FSHR: variants seen among roughly 807,000 people sequenced by gnomAD.
The protein encoded by FSHR is follicle-stimulating hormone receptor.
FSHR carries 46 observed loss-of-function variants against 52.1 expected under a neutral mutation model. The ratio of observed to expected loss-of-function variants is 0.88; its 90% CI spans 0.70 to 1.13. FSHR has a LOEUF of 1.13. Ranked by LOEUF, FSHR falls within the 50% of genes most tolerant of loss-of-function variation. The pLI, the probability that FSHR is intolerant of heterozygous loss-of-function variation, is 0.00. For synonymous variants in FSHR, 399 were observed against 309.6 expected, an observed-to-expected ratio of 1.29 and a Z score of -3.03; for missense variants, 964 against 834.6, an observed-to-expected ratio of 1.16 and a Z score of -1.91.
chr2:49,123,772 G>A (rs191280662), intron 1 of FSHR, among the ~76,000 whole-genome samples: 76 of 152,218 alleles, frequency 5.0e-4, no homozygotes, highest in African/African-American at 1.8e-3. Context: ...TAGAAGCACT[G>A]GGAGAGGACA....
intron 2 of FSHR, among the ~76,000 whole-genome samples, chr2:49,047,791 A>G (rs1474842664): frequency 6.6e-6 from 1 of 152,226 alleles, no homozygotes; most frequent in African/African-American, 2.4e-5. Context: ...TTGACTTAAG[A>G]AACATGAGGT....
At position 49,048,303 on chromosome 2, in the gene FSHR, A is replaced by T. The variant is rs1246358428; in HGVS notation, c.224+19916T>A. Among the ~76,000 whole-genome samples, 36 of 129,656 alleles carry T rather than the reference A, an allele frequency of 2.8e-4. No individual in the cohort carries two copies. In the Admixed American group the frequency reaches 3.2e-3, roughly 12 times the overall value. The allele number at this position is 129,656 out of a possible 152,430, so 85.1% of individuals were successfully genotyped here. ...TAAATAAAAAGTGGTTTTCTTATAG[A>T]AAAAAAACCTGGGGCTCTGAAAAGT... is the stretch of plus-strand genomic sequence containing the variant. On this transcript the variant is annotated intron_variant, in intron 2 of 9. Transcript: ENST00000406846.
At chr2:49,089,168 A>T (rs1432591164) in intron 1 of FSHR, among the ~76,000 whole-genome samples, 1 of 151,152 alleles carries the variant, frequency 6.6e-6, no homozygotes, top group Non-Finnish European at 1.5e-5. Context: ...CTTCGTGGTG[A>T]TAACCGGATT....
intron 1 of FSHR, among the ~76,000 whole-genome samples, chr2:49,113,796 T>A (rs1378784582): frequency 2.0e-5 from 3 of 152,136 alleles, no homozygotes; most frequent in Non-Finnish European, 4.4e-5. Context: ...GGCACCCAGG[T>A]ACATAGATCC....
At chr2:49,003,629 A>C (rs1407017531) in intron 4 of FSHR, among the ~76,000 whole-genome samples, 6 of 152,132 alleles carry the variant, frequency 3.9e-5, no homozygotes, top group Non-Finnish European at 8.8e-5. Flanking sequence ...GGAAGCAGGG[A>C]AAAAGTGGGT....
At chr2:49,079,334 C>T (rs1670074793) in intron 1 of FSHR, among the ~76,000 whole-genome samples, 1 of 151,990 alleles carries the variant, frequency 6.6e-6, no homozygotes, top group African/African-American at 2.4e-5. Flanking sequence ...AAGGCAAAAC[C>T]CATCTAAAGC....
chr2:48,965,236 A>G (rs1003358336), intron 9 of FSHR, among the ~76,000 whole-genome samples: 2 of 152,164 alleles, frequency 1.3e-5, no homozygotes, highest in African/African-American at 4.8e-5. Context: ...CCTATTATAC[A>G]GGGACTGAAC....
chr2:49,126,735 G>C (rs1260862740), intron 1 of FSHR, among the ~76,000 whole-genome samples: 2 of 152,156 alleles, frequency 1.3e-5, no homozygotes, highest in Non-Finnish European at 2.9e-5. Context: ...CTTTTCTTAG[G>C]TTATGTAATG....
rs185319421 is a variant in FSHR at position 49,133,078 on chromosome 2, C to T, written c.152+21188G>A. Among the ~76,000 whole-genome samples the T allele has an allele frequency of 1.1e-4, 16 of 151,528 alleles. No homozygotes were observed. In the East Asian group the frequency reaches 3.1e-3, roughly 29 times the overall value. ...CGGGTGGAGACCCCACTCCAGACTG[C>T]TGCAGTAAAGAACACAGAGTTCCCT... is the stretch of plus-strand genomic sequence containing the variant. On this transcript the variant is annotated intron_variant, in intron 1 of 9. Coordinates refer to ENST00000406846, the MANE Select transcript of FSHR (RefSeq NM_000145.4).
At chr2:49,151,453 T>C (rs1174624354) in intron 1 of FSHR, among the ~76,000 whole-genome samples, 2 of 152,130 alleles carry the variant, frequency 1.3e-5, no homozygotes, top group Non-Finnish European at 2.9e-5. Flanking sequence ...TGATGGTGCT[T>C]CTGTTCTTTT....
chr2:49,061,829 T>A (rs1331891123), intron 2 of FSHR, among the ~76,000 whole-genome samples: 1 of 130,282 alleles, frequency 7.7e-6, no homozygotes, highest in African/African-American at 2.7e-5. Flanking sequence ...TAACTATATA[T>A]GTTTATATAA....
At chr2:49,013,046 T>C (rs1475115579) in intron 4 of FSHR, among the ~76,000 whole-genome samples, 3 of 151,882 alleles carry the variant, frequency 2.0e-5, no homozygotes, top group Non-Finnish European at 4.4e-5. Flanking sequence ...CACCAGAAAC[T>C]CATTCTTGCT....
intron 4 of FSHR, among the ~76,000 whole-genome samples, chr2:49,005,079 G>C (rs1667031317): frequency 6.6e-6 from 1 of 152,062 alleles, no homozygotes; most frequent in Non-Finnish European, 1.5e-5. Context: ...TCCTTGAAAG[G>C]AGAATATCAG....
At chr2:49,061,213 C>T (rs1039222836) in intron 2 of FSHR, among the ~76,000 whole-genome samples, 1 of 152,114 alleles carries the variant, frequency 6.6e-6, no homozygotes, top group African/African-American at 2.4e-5. Context: ...CACCTCAAGA[C>T]CCAGGTGCCA....
chr2:48,988,966 C>G lies in FSHR; in HGVS notation c.524+11G>C. 6.2e-7 allele frequency: 1 copy of G among 1,609,764 alleles called. No homozygotes were observed. Among genetic ancestry groups the G allele is most frequent in the Non-Finnish European group, 8.5e-7 (1 of 1,176,140 alleles). On this transcript the variant is annotated intron_variant, in intron 6 of 9. Coordinates refer to ENST00000406846, the MANE Select transcript of FSHR (RefSeq NM_000145.4). Reference sequence around the variant, plus strand: ...AATGTTACTCTGTTGGATTTTTTCCCCCTTACTTACAGAATCACACTTTCA... The same window carrying G: ...AATGTTACTCTGTTGGATTTTTTCCGCCTTACTTACAGAATCACACTTTCA...
At chr2:49,134,144 G>A (rs532540630) in intron 1 of FSHR, among the ~76,000 whole-genome samples, 139 of 152,158 alleles carry the variant, frequency 9.1e-4, no homozygotes, top group Non-Finnish European at 1.6e-3. Context: ...CTACAGAATG[G>A]GAGAAAATTT....
intron 2 of FSHR, among the ~76,000 whole-genome samples, chr2:49,029,024 G>A (rs1482912751): frequency 2.6e-5 from 4 of 152,188 alleles, no homozygotes; most frequent in African/African-American, 9.7e-5. Context: ...CAGGGTAAGA[G>A]TTTTATATCT....
chr2:48,992,661 T>C (rs1188399877), intron 4 of FSHR, among the ~76,000 whole-genome samples: 1 of 152,148 alleles, frequency 6.6e-6, no homozygotes, highest in Non-Finnish European at 1.5e-5. Flanking sequence ...AGGGGACAAT[T>C]GGTGGAGCTT....
chr2:49,122,138 C>G (rs1558453062), intron 1 of FSHR, among the ~76,000 whole-genome samples: 1 of 152,104 alleles, frequency 6.6e-6, no homozygotes, highest in Non-Finnish European at 1.5e-5. Flanking sequence ...TGAACTTTTC[C>G]TTTCTCAACT....
Sources: allele counts gnomAD v4.1 joint callset (sites outside exome capture counted in the v4.1 genomes callset), GRCh38; gene constraint gnomAD v4.1.1; transcripts MANE v1.5; gene names NCBI Gene and HGNC (gene_info 2026-07-23, HGNC 2026-07-21).